The following USP53 variants were observed in gnomAD, a reference collection of about 807,000 sequenced individuals.
The protein encoded by USP53 is ubiquitin specific peptidase 53, also known as ubiquitin carboxyl-terminal hydrolase 53.
A neutral mutation model predicts 94.9 loss-of-function variants in USP53; 71 were observed. The ratio of observed to expected loss-of-function variants is 0.75; its 90% CI spans 0.62 to 0.91. USP53 has a LOEUF of 0.91. Ranked by LOEUF, USP53 falls within the 40% of genes least tolerant of loss-of-function variation. USP53 has a pLI of 0.00. For synonymous variants in USP53, 375 were observed against 422.7 expected (o/e 0.89, Z 1.39); for missense variants, 1,173 against 1,281.0 (o/e 0.92, Z 1.29).
rs537591379 is a variant in USP53, at chr4:119,282,194, C to T, written c.2251+8486C>T. On this transcript the variant is annotated intron_variant, in intron 17 of 18. Coordinates refer to ENST00000692078, the MANE Select transcript of USP53 (RefSeq NM_001371395.1). ...TAACATTCTATTGTATTATATACCACATCTTGTTTATGCTTTCATCTGTAA... is the reference window on the plus strand; with the variant it reads ...TAACATTCTATTGTATTATATACCATATCTTGTTTATGCTTTCATCTGTAA... Among the ~76,000 whole-genome samples the T allele has an allele frequency of 9.7e-4, 147 of 152,204 alleles. 1 individual carries two copies. The Middle Eastern group carries it at 0.01, about 11-fold the overall frequency.
chr4:119,276,205 T>C (rs1243831726), intron 17 of USP53, among the ~76,000 whole-genome samples: 1 of 127,046 alleles, frequency 7.9e-6, no homozygotes, highest in Admixed American at 8.5e-5. Flanking sequence ...TTCCAGTTTT[T>C]GCCCATTCAG....
In USP53 at chr4:119,268,438, C is replaced by G; in HGVS notation, c.1288+18C>G. The G allele has an allele frequency of 6.3e-7, 1 of 1,589,748 alleles. No homozygotes were observed. The highest frequency in any genetic ancestry group is 8.6e-7 in the Non-Finnish European group (1 of 1,168,090). Reference sequence around the variant, plus strand: ...AGGACCAGGTATGTGTTTAAATTGTCATTTTTACATAGTTCCAAGTGAGTG... The same window carrying G: ...AGGACCAGGTATGTGTTTAAATTGTGATTTTTACATAGTTCCAAGTGAGTG... On this transcript the variant is annotated intron_variant, in intron 14 of 18. Coordinates refer to ENST00000692078, the MANE Select transcript of USP53 (RefSeq NM_001371395.1).
At chr4:119,272,063 T>A in intron 16 of USP53, 29 bp downstream of exon 16, 1 of 1,524,700 alleles carries the variant, frequency 6.6e-7, no homozygotes, top group Admixed American at 2.3e-5. Flanking sequence ...GAATCATTTT[T>A]CCATCACTCT....
At chr4:119,232,073 C>T (rs1268022856) in intron 3 of USP53, among the ~76,000 whole-genome samples, 6 of 152,138 alleles carry the variant, frequency 3.9e-5, no homozygotes, top group Admixed American at 3.3e-4. Flanking sequence ...GGATGGCAGT[C>T]TCAGGAATGC....
Position 119,272,021 on chromosome 4 carries a change from A to G in USP53, c.2161A>G (p.Thr721Ala). The G allele has an allele frequency of 1.3e-6, 2 of 1,586,340 alleles. No individual in the cohort carries two copies. The highest frequency in any genetic ancestry group is 1.7e-6 in the Non-Finnish European group (2 of 1,168,728). The change falls in exon 16 of 19, where the codon ACA (threonine) becomes GCA (alanine). Residue 721 changes from threonine to alanine, a missense_variant. Coordinates refer to ENST00000692078, the MANE Select transcript of USP53 (RefSeq NM_001371395.1). ...AATGGATATCAGTGGTGTTAAAGAA[A>G]CAGTATGCTTCAGGTAATGTAAAAG... ...TVMDISGVKETVCFSDQITTS... is the reference protein window; with the variant it reads ...TVMDISGVKEAVCFSDQITTS...
chr4:119,265,634 G>A (rs572569723), intron 12 of USP53, among the ~76,000 whole-genome samples: 1 of 152,000 alleles, frequency 6.6e-6, no homozygotes, highest in South Asian at 2.1e-4. Flanking sequence ...CCGTGCCACT[G>A]AACTCCAGCC....
chr4:119,248,240 A>G (rs1367524218), intron 6 of USP53, among the ~76,000 whole-genome samples: 1 of 152,026 alleles, frequency 6.6e-6, no homozygotes, highest in African/African-American at 2.4e-5. Flanking sequence ...CTTAATTTAG[A>G]TTAGAAATAC....
intron 2 of USP53, among the ~76,000 whole-genome samples, chr4:119,214,992 A>T (rs1743512430): frequency 6.6e-6 from 1 of 152,204 alleles, no homozygotes. Context: ...TTACTAAAAT[A>T]CTTAGAAGAT....
At chr4:119,262,582 A>G (rs1282437294) in intron 12 of USP53, among the ~76,000 whole-genome samples, 1 of 152,220 alleles carries the variant, frequency 6.6e-6, no homozygotes, top group Non-Finnish European at 1.5e-5. Context: ...ACCACTCACT[A>G]AGTGGAAATG....
At chr4:119,278,688 CAG>C (rs1305072550) in intron 17 of USP53, among the ~76,000 whole-genome samples, 2 of 64,416 alleles carry the variant, frequency 3.1e-5, no homozygotes, top group African/African-American at 8.5e-5. Flanking sequence ...TAATATCCTG[CAG>C]AGTGTTTTCC....
chr4:119,247,106 A>G (rs1303943067), intron 6 of USP53, among the ~76,000 whole-genome samples: 1 of 152,178 alleles, frequency 6.6e-6, no homozygotes, highest in Non-Finnish European at 1.5e-5. Flanking sequence ...ATCACATTAC[A>G]GTATCACATT....
chr4:119,265,217 A>G (rs896441525), intron 12 of USP53, among the ~76,000 whole-genome samples: 3 of 152,100 alleles, frequency 2.0e-5, no homozygotes, highest in Admixed American at 6.5e-5. Context: ...GTAACTAGAT[A>G]ATTTTACTTC....
At chr4:119,250,362 G>A (rs1312933789) in intron 7 of USP53, among the ~76,000 whole-genome samples, 1 of 151,980 alleles carries the variant, frequency 6.6e-6, no homozygotes, top group Non-Finnish European at 1.5e-5. Flanking sequence ...AATTCATTTG[G>A]CATTTTTATA....
At chr4:119,261,584 A>T in intron 11 of USP53, 131 bp from the exon 12 acceptor site, 1 of 603,944 alleles carries the variant, frequency 1.7e-6, no homozygotes, top group South Asian at 4.3e-5. Flanking sequence ...TTCAAGTAAT[A>T]ATATAATATT....
At chr4:119,249,641 A>G (rs1225072230) in intron 7 of USP53, among the ~76,000 whole-genome samples, 2 of 146,972 alleles carry the variant, frequency 1.4e-5, no homozygotes, top group Admixed American at 1.4e-4. Context: ...TGTCCATTCA[A>G]CCTGTTTATT....
chr4:119,268,482 T>C, intron 14 of USP53, 62 bp downstream of exon 14: 1 of 1,426,112 alleles, frequency 7.0e-7, no homozygotes. Context: ...TCTTCACTTA[T>C]CGGAGGATGC....
chr4:119,260,890 AAATATT>A (rs1750409726), intron 11 of USP53, among the ~76,000 whole-genome samples: 1 of 151,792 alleles, frequency 6.6e-6, no homozygotes, highest in Non-Finnish European at 1.5e-5. Flanking sequence ...TTGTAAATAT[AAATATT>A]GTTAACTTAG....
chr4:119,269,621 A>G, intron 14 of USP53, 70 bp from the exon 15 acceptor site: 2 of 1,079,004 alleles, frequency 1.9e-6, no homozygotes, highest in Non-Finnish European at 1.2e-6. Flanking sequence ...TTTTATATAG[A>G]TCAATTTTTA....
Position 119,293,163 on chromosome 4 carries a change from G to A in USP53, c.3174G>A (p.Lys1058=), listed in dbSNP as rs1037807577. 6 of 1,611,624 alleles carry A rather than the reference G, an allele frequency of 3.7e-6. No homozygotes were observed. The African/African-American group carries it at 8.0e-5, about 22-fold the overall frequency. The change falls in exon 19 of 19, where the codon AAG becomes AAA. Residue 1058 remains lysine, a synonymous_variant. Transcript: ENST00000692078. ...TYRLKYHQRP[K]LSFPESSGFC... is the part of the protein sequence containing the mutation. ...GATTGAAATACCATCAGAGGCCCAA[G>A]CTCTCTTTTCCAGAGAGCAGTGGCT...
Sources: gnomAD v4.1 joint callset for allele counts (sites outside exome capture counted in the v4.1 genomes callset) on GRCh38, gnomAD v4.1.1 for gene constraint, MANE v1.5 for transcripts, NCBI Gene and HGNC (gene_info 2026-07-23, HGNC 2026-07-21) for gene names.